LOC400499: variants seen among roughly 807,000 people sequenced by gnomAD.
chr16:11,422,346 G>A, the LOC400499 span, among the ~76,000 whole-genome samples: 1 of 152,210 alleles, frequency 6.6e-6, no homozygotes, highest in African/African-American at 2.4e-5. Context: ...GTTGCAGTGA[G>A]CTGAGGTCAT....
At chr16:11,468,895 G>A in the LOC400499 span, among the ~76,000 whole-genome samples, 1 of 152,222 alleles carries the variant, frequency 6.6e-6, no homozygotes, top group Non-Finnish European at 1.5e-5. Flanking sequence ...CCAAAATGCT[G>A]GGATTACAAG....
chr16:11,519,708 T>A, the LOC400499 span, among the ~76,000 whole-genome samples: 1 of 140,436 alleles, frequency 7.1e-6, no homozygotes, highest in Non-Finnish European at 1.6e-5. Context: ...GTGACTCCAC[T>A]TTTTTTTTTT....
the LOC400499 span, among the ~76,000 whole-genome samples, chr16:11,518,558 G>C: frequency 4.6e-5 from 7 of 152,228 alleles, no homozygotes; most frequent in Admixed American, 4.6e-4. Flanking sequence ...CGGCAGGTGT[G>C]AAATCTGGAC....
chr16:11,446,857 G>A, the LOC400499 span: 174 of 1,535,950 alleles, frequency 1.1e-4, no homozygotes, highest in Non-Finnish European at 1.4e-4. Flanking sequence ...CCTATCAGCT[G>A]TGAAGGTCTC....
chr16:11,403,864 C>T, the LOC400499 span, among the ~76,000 whole-genome samples: 1 of 152,208 alleles, frequency 6.6e-6, no homozygotes, highest in Non-Finnish European at 1.5e-5. Flanking sequence ...ACCTCTTCCA[C>T]GCCCTGGCCC....
the LOC400499 span, among the ~76,000 whole-genome samples, chr16:11,497,583 G>A: frequency 6.6e-6 from 1 of 152,214 alleles, no homozygotes; most frequent in Non-Finnish European, 1.5e-5. Flanking sequence ...CAGCCTGCAG[G>A]GCTGTGGGGC....
the LOC400499 span, chr16:11,446,719 C>A: frequency 3.3e-6 from 5 of 1,533,854 alleles, no homozygotes; most frequent in Non-Finnish European, 4.4e-6. Flanking sequence ...TCTCAGGCCC[C>A]TTCCGGGCTA....
the LOC400499 span, among the ~76,000 whole-genome samples, chr16:11,395,257 C>T: frequency 6.6e-6 from 1 of 152,198 alleles, no homozygotes; most frequent in Non-Finnish European, 1.5e-5. Flanking sequence ...GTCCTGGGGC[C>T]ACTGGGTTGG....
At chr16:11,451,926 G>A in the LOC400499 span, among the ~76,000 whole-genome samples, 26 of 152,292 alleles carry the variant, frequency 1.7e-4, no homozygotes, top group African/African-American at 6.0e-4. Context: ...CGGGAAGCGG[G>A]AAGATGGCAC....
At chr16:11,471,385 G>A in the LOC400499 span, 6 of 330,608 alleles carry the variant, frequency 1.8e-5, no homozygotes, top group East Asian at 2.9e-4. Context: ...AGTCACAAAA[G>A]AATATGATGT....
the LOC400499 span, among the ~76,000 whole-genome samples, chr16:11,420,655 C>G: frequency 7.3e-6 from 1 of 137,818 alleles, no homozygotes; most frequent in East Asian, 2.1e-4. Context: ...ACCTCTACCA[C>G]AATTTCGAAG....
chr16:11,479,460 A>C, the LOC400499 span, among the ~76,000 whole-genome samples: 2 of 93,620 alleles, frequency 2.1e-5, no homozygotes, highest in Admixed American at 2.2e-4. Flanking sequence ...AAAATTAAAA[A>C]ATTAAAAAAA....
chr16:11,472,191 T>C, the LOC400499 span: 1 of 166,868 alleles, frequency 6.0e-6, no homozygotes, highest in African/African-American at 2.4e-5. Context: ...TGGTAGACTT[T>C]TTCTTTTTTT....
At chr16:11,381,688 T>A in the LOC400499 span, among the ~76,000 whole-genome samples, 1 of 152,234 alleles carries the variant, frequency 6.6e-6, no homozygotes, top group African/African-American at 2.4e-5. Flanking sequence ...GGCTTTTTCA[T>A]TCTTAAATAA....
At chr16:11,469,189 C>T in the LOC400499 span, 37 of 399,604 alleles carry the variant, frequency 9.3e-5, no homozygotes, top group Non-Finnish European at 1.4e-4. Context: ...ATGTAGTAGA[C>T]GTCCCTGTCA....
the LOC400499 span, among the ~76,000 whole-genome samples, chr16:11,393,183 G>A: frequency 2.0e-5 from 3 of 146,986 alleles, no homozygotes; most frequent in Non-Finnish European, 3.0e-5. Context: ...AAGTAGAGAC[G>A]GGGTCTCACT....
At chr16:11,394,314 C>A in the LOC400499 span, among the ~76,000 whole-genome samples, 1 of 152,136 alleles carries the variant, frequency 6.6e-6, no homozygotes, top group African/African-American at 2.4e-5. Flanking sequence ...GGCTCAGAGG[C>A]CCCCAAGAGA....
chr16:11,477,689 G>T, the LOC400499 span: 3 of 395,142 alleles, frequency 7.6e-6, no homozygotes, highest in South Asian at 4.3e-4. Context: ...TCTGCACACA[G>T]TCTCTTGGCA....
chr16:11,384,209 C>A, the LOC400499 span: 1 of 1,227,142 alleles, frequency 8.1e-7, no homozygotes, highest in Non-Finnish European at 1.0e-6. Context: ...CAGGTGCACC[C>A]GCTCACCTGC....
Sources: gnomAD v4.1 joint callset for allele counts (sites outside exome capture counted in the v4.1 genomes callset) on GRCh38, gnomAD v4.1.1 for gene constraint, MANE v1.5 for transcripts.